The following KIAA0825 variants were observed in gnomAD, a reference collection of about 807,000 sequenced individuals.
KIAA0825 encodes KIAA0825.
KIAA0825 carries 119 observed loss-of-function variants against 147.6 expected under a neutral mutation model. The observed-to-expected ratio is 0.81, with a 90% CI of 0.69 to 0.94. KIAA0825 has a LOEUF of 0.94. Ranked by LOEUF, KIAA0825 falls within the 40% of genes least tolerant of loss-of-function variation. KIAA0825 has a pLI of 0.00. For synonymous variants in KIAA0825, 470 were observed against 518.1 expected (o/e 0.91, Z 1.26); for missense variants, 1,381 against 1,472.7 (o/e 0.94, Z 1.02).
At chr5:94,534,620 A>C (rs1771594027) in intron 3 of KIAA0825, among the ~76,000 whole-genome samples, 1 of 152,098 alleles carries the variant, frequency 6.6e-6, no homozygotes, top group African/African-American at 2.4e-5. Context: ...CTAACATCTG[A>C]GTTTTGACCT....
In KIAA0825 at chr5:94,523,221, T is replaced by C. The variant is rs548071606; in HGVS notation, c.300+709A>G. Among the ~76,000 whole-genome samples, 18 of 151,744 alleles carry C rather than the reference T, an allele frequency of 1.2e-4. No individual in the cohort carries two copies. In the South Asian group the frequency reaches 1.5e-3, roughly 12 times the overall value. On this transcript the variant is annotated intron_variant, in intron 4 of 20. Transcript: ENST00000682413. ...TTTAGACAAAAACAGTGCCTTTTTT[T>C]CCCTAAATTAAATTAAAACCATAGC...
chr5:94,337,251 C>T (rs1486924488), intron 20 of KIAA0825, among the ~76,000 whole-genome samples: 3 of 152,120 alleles, frequency 2.0e-5, no homozygotes, highest in Non-Finnish European at 4.4e-5. Context: ...AATTATACCA[C>T]AGTAAAGTTG....
intron 1 of KIAA0825, among the ~76,000 whole-genome samples, chr5:94,592,610 G>A (rs1784545295): frequency 6.6e-6 from 1 of 152,184 alleles, no homozygotes; most frequent in Non-Finnish European, 1.5e-5. Context: ...GCAGTGTGAT[G>A]ATGGAAAACC....
In KIAA0825 at chr5:94,471,742, A is replaced by G; in HGVS notation, c.1456-11T>C. On this transcript the variant is annotated splice_polypyrimidine_tract_variant and intron_variant, in intron 8 of 20. Coordinates refer to ENST00000682413, the MANE Select transcript of KIAA0825 (RefSeq NM_001145678.3). ...GATGTCAGAACAAAACTAGGGAGAAATAAATGTGGCACTGAGTTATTTGTA... is the reference window on the plus strand; with the variant it reads ...GATGTCAGAACAAAACTAGGGAGAAGTAAATGTGGCACTGAGTTATTTGTA... 6.4e-7 allele frequency: 1 copy of G among 1,551,780 alleles called. No homozygotes were observed. The highest frequency in any genetic ancestry group is 8.7e-7 in the Non-Finnish European group (1 of 1,146,840).
At chr5:94,341,153 A>G (rs989533819) in intron 20 of KIAA0825, among the ~76,000 whole-genome samples, 1 of 152,240 alleles carries the variant, frequency 6.6e-6, no homozygotes, top group African/African-American at 2.4e-5. Flanking sequence ...TAATTGTTAG[A>G]TAAATGATGT....
intron 5 of KIAA0825, among the ~76,000 whole-genome samples, chr5:94,518,381 G>A (rs546577159): frequency 6.6e-6 from 1 of 152,202 alleles, no homozygotes; most frequent in South Asian, 2.1e-4. Context: ...ATGGTAGGTG[G>A]TCAATAAAGC....
At chr5:94,237,726 G>C (rs527828532) in intron 20 of KIAA0825, among the ~76,000 whole-genome samples, 2 of 152,204 alleles carry the variant, frequency 1.3e-5, no homozygotes, top group East Asian at 3.9e-4. Context: ...TGCTTTGCCC[G>C]TAATAGGTAC....
intron 1 of KIAA0825, among the ~76,000 whole-genome samples, chr5:94,590,191 C>T (rs1316366814): frequency 5.3e-5 from 8 of 152,166 alleles, no homozygotes; most frequent in Admixed American, 1.3e-4. Context: ...GATGGGGTTT[C>T]GCAATGTTGG....
chr5:94,446,024 G>C (rs1757683393), intron 13 of KIAA0825, among the ~76,000 whole-genome samples: 1 of 152,114 alleles, frequency 6.6e-6, no homozygotes, highest in African/African-American at 2.4e-5. Context: ...AACTCTTTTT[G>C]TCCTCCTCCC....
chr5:94,462,626 A>G (rs1350843415), intron 11 of KIAA0825, 57 bp from the exon 12 acceptor site: 16 of 1,045,612 alleles, frequency 1.5e-5, no homozygotes, highest in African/African-American at 4.9e-5. Flanking sequence ...TCTGCTTGGT[A>G]GGCACTTTCA....
intron 13 of KIAA0825, among the ~76,000 whole-genome samples, chr5:94,447,376 A>G (rs1757864532): frequency 6.6e-6 from 1 of 152,156 alleles, no homozygotes; most frequent in African/African-American, 2.4e-5. Context: ...GAACCTGCAA[A>G]GGAAACAGAA....
chr5:94,457,316 A>G (rs377024814), intron 12 of KIAA0825, among the ~76,000 whole-genome samples: 2 of 152,360 alleles, frequency 1.3e-5, no homozygotes, highest in East Asian at 3.9e-4. Flanking sequence ...ATACAATTGT[A>G]TGAGCCATAG....
At chr5:94,534,367 T>C (rs1584806684) in intron 3 of KIAA0825, among the ~76,000 whole-genome samples, 1 of 152,292 alleles carries the variant, frequency 6.6e-6, no homozygotes. Context: ...AAAATATATA[T>C]ACCCTATACT....
At chr5:94,594,997 TTCAGGGTA>T (rs1448978008) in intron 1 of KIAA0825, among the ~76,000 whole-genome samples, 1 of 152,192 alleles carries the variant, frequency 6.6e-6, no homozygotes, top group African/African-American at 2.4e-5. Flanking sequence ...TCTGTGGCTT[TTCAGGGTA>T]TAGTCCCCCT....
At chr5:94,283,007 T>C (rs572799566) in intron 20 of KIAA0825, among the ~76,000 whole-genome samples, 1 of 152,098 alleles carries the variant, frequency 6.6e-6, no homozygotes, top group East Asian at 1.9e-4. Context: ...AAAACGATTC[T>C]CAGCAAAGCA....
At chr5:94,380,247 A>G (rs1338897871) in intron 20 of KIAA0825, among the ~76,000 whole-genome samples, 1 of 152,220 alleles carries the variant, frequency 6.6e-6, no homozygotes, top group African/African-American at 2.4e-5. Flanking sequence ...AAATGAAGAG[A>G]ATGAATATGC....
intron 20 of KIAA0825, among the ~76,000 whole-genome samples, chr5:94,275,751 G>C (rs1777197272): frequency 6.6e-6 from 1 of 152,068 alleles, no homozygotes; most frequent in Middle Eastern, 3.2e-3. Flanking sequence ...TGCTCCCTCA[G>C]GTAGTCCTTT....
At chr5:94,478,182 G>A (rs1439438306) in intron 6 of KIAA0825, among the ~76,000 whole-genome samples, 3 of 152,162 alleles carry the variant, frequency 2.0e-5, no homozygotes, top group Non-Finnish European at 4.4e-5. Flanking sequence ...AAGGAATACA[G>A]TTGATGAAAT....
chr5:94,499,447 C>G (rs574536939), intron 5 of KIAA0825, among the ~76,000 whole-genome samples: 56 of 152,240 alleles, frequency 3.7e-4, no homozygotes, highest in African/African-American at 1.3e-3. Flanking sequence ...CAACACGGTT[C>G]CATTTCATCT....
Sources: gnomAD v4.1 joint callset for allele counts (sites outside exome capture counted in the v4.1 genomes callset) on GRCh38, gnomAD v4.1.1 for gene constraint, MANE v1.5 for transcripts, NCBI Gene and HGNC (gene_info 2026-07-23, HGNC 2026-07-21) for gene names.